The following RORA variants were observed in gnomAD, a reference collection of about 807,000 sequenced individuals.
RORA encodes the protein RAR related orphan receptor A.
A neutral mutation model predicts 69.5 loss-of-function variants in RORA; 7 were observed. The ratio of observed to expected loss-of-function variants is 0.10; its 90% CI spans 0.06 to 0.19. The LOEUF is 0.19. Among genes scored for constraint, RORA ranks in the 10% least tolerant of loss-of-function variants. The probability of loss-of-function intolerance (pLI) is 1.00; values close to 1 mark genes in which losing one functional copy is unlikely to be tolerated. For synonymous variants in RORA, 261 were observed against 240.8 expected (o/e 1.08, Z -0.78); for missense variants, 457 against 663.0 (o/e 0.69, Z 3.41).
chr15:60,558,253 C>A (rs200629924), intron 2 of RORA: 1 of 1,612,018 alleles, frequency 6.2e-7, no homozygotes, highest in African/African-American at 1.3e-5. Flanking sequence ...AAAAGCATCA[C>A]CTGAAGACAG....
chr15:60,857,418 T>C (rs1403768040), intron 1 of RORA, among the ~76,000 whole-genome samples: 4 of 152,066 alleles, frequency 2.6e-5, no homozygotes, highest in Non-Finnish European at 5.9e-5. Context: ...GTTGAGTCTT[T>C]GCCCTCTCCA....
At chr15:60,975,889 T>C (rs1198909818) in intron 1 of RORA, among the ~76,000 whole-genome samples, 1 of 152,220 alleles carries the variant, frequency 6.6e-6, no homozygotes, top group African/African-American at 2.4e-5. Flanking sequence ...CACATCTCAG[T>C]TCCAACTCTC....
At chr15:60,928,221 C>A (rs982302059) in intron 1 of RORA, among the ~76,000 whole-genome samples, 1 of 152,212 alleles carries the variant, frequency 6.6e-6, no homozygotes, top group African/African-American at 2.4e-5. Flanking sequence ...CCTTTTGCAA[C>A]ATATTCATGG....
intron 1 of RORA, among the ~76,000 whole-genome samples, chr15:60,880,284 G>A (rs1482154496): frequency 1.3e-5 from 2 of 152,058 alleles, no homozygotes; most frequent in Non-Finnish European, 2.9e-5. Context: ...CTTACTTTTG[G>A]TCCTAATTTC....
chr15:60,684,214 A>G (rs561105278), intron 1 of RORA, among the ~76,000 whole-genome samples: 1 of 152,112 alleles, frequency 6.6e-6, no homozygotes, highest in Non-Finnish European at 1.5e-5. Context: ...CCACTCTGCC[A>G]CTTTGCCAGT....
intron 1 of RORA, among the ~76,000 whole-genome samples, chr15:60,979,850 C>T (rs1279034606): frequency 1.3e-5 from 2 of 152,096 alleles, no homozygotes; most frequent in African/African-American, 4.8e-5. Flanking sequence ...TTTCTCTCTT[C>T]CACTTCTCTC....
intron 3 of RORA, among the ~76,000 whole-genome samples, chr15:60,524,155 A>T (rs1213780256): frequency 1.3e-5 from 2 of 152,222 alleles, no homozygotes; most frequent in East Asian, 3.9e-4. Context: ...GCACCTTCCT[A>T]TTTCTCAGAT....
intron 1 of RORA, among the ~76,000 whole-genome samples, chr15:61,064,297 T>C (rs532511944): frequency 1.1e-4 from 17 of 152,356 alleles, no homozygotes; most frequent in Admixed American, 2.6e-4. Context: ...CCGCGAAGGT[T>C]GTCCAGGTAA....
chr15:60,802,903 G>T (rs1411910840), intron 1 of RORA, among the ~76,000 whole-genome samples: 1 of 151,924 alleles, frequency 6.6e-6, no homozygotes, highest in African/African-American at 2.4e-5. Context: ...AAATAAAACA[G>T]GAAGGAAAAC....
rs556471826 is a variant in RORA, at chr15:60,661,546, G to A, written c.196+17111C>T. On this transcript the variant is annotated intron_variant, in intron 2 of 10. Coordinates refer to ENST00000335670, the MANE Select transcript of RORA (RefSeq NM_134261.3). ...GGGATTTTCCCAGGTAGAAGCTGTT[G>A]GAACCATGGAAACTTTGAGACCAGG... Among the ~76,000 whole-genome samples the A allele has an allele frequency of 2.0e-5, 3 of 152,224 alleles. No homozygotes were observed. The South Asian group carries it at 6.2e-4, about 32-fold the overall frequency.
chr15:61,173,850 A>G (rs1440515904), intron 1 of RORA, among the ~76,000 whole-genome samples: 2 of 152,152 alleles, frequency 1.3e-5, no homozygotes, highest in East Asian at 1.9e-4. Context: ...AGAAAGGTCT[A>G]CGTTGCCCAG....
At chr15:61,089,671 C>A (rs1303964023) in intron 1 of RORA, among the ~76,000 whole-genome samples, 2 of 152,186 alleles carry the variant, frequency 1.3e-5, no homozygotes, top group Non-Finnish European at 2.9e-5. Context: ...TCAAGAAATT[C>A]TCCTTTAAAG....
At chr15:61,071,775 A>G (rs72754796) in intron 1 of RORA, among the ~76,000 whole-genome samples, 18,212 of 151,754 alleles carry the variant, frequency 0.12, 1,231 homozygotes, top group Middle Eastern at 0.18. Flanking sequence ...GAAGGTTACC[A>G]AAAGCAACAA....
chr15:60,656,332 G>A (rs2070221680), intron 2 of RORA, among the ~76,000 whole-genome samples: 1 of 152,198 alleles, frequency 6.6e-6, no homozygotes, highest in South Asian at 2.1e-4. Context: ...TTATGTAATG[G>A]TACAGCGAGT....
intron 1 of RORA, among the ~76,000 whole-genome samples, chr15:60,714,062 T>C (rs1014167452): frequency 6.6e-6 from 1 of 151,916 alleles, no homozygotes; most frequent in Non-Finnish European, 1.5e-5. Flanking sequence ...CTCTCTCTTT[T>C]TTTTTTTTCG....
intron 2 of RORA, among the ~76,000 whole-genome samples, chr15:60,595,685 GAA>G (rs34344210): frequency 1.3e-3 from 184 of 143,518 alleles, no homozygotes; most frequent in Middle Eastern, 0.011. Flanking sequence ...CAAGTGTTCT[GAA>G]AAAAAAAAAA....
chr15:60,661,308 C>T (rs1356609352), intron 2 of RORA, among the ~76,000 whole-genome samples: 1 of 152,134 alleles, frequency 6.6e-6, no homozygotes, highest in Non-Finnish European at 1.5e-5. Flanking sequence ...AGATGAGTTA[C>T]TTGATATAGC....
chr15:60,515,727 T>G (rs2065844458), intron 3 of RORA, among the ~76,000 whole-genome samples: 1 of 146,748 alleles, frequency 6.8e-6, no homozygotes, highest in Admixed American at 7.1e-5. Context: ...ATTTCTTAAT[T>G]TCCAAACACA....
At chr15:60,872,819 T>G (rs1330518897) in intron 1 of RORA, among the ~76,000 whole-genome samples, 2 of 152,118 alleles carry the variant, frequency 1.3e-5, no homozygotes, top group Non-Finnish European at 2.9e-5. Context: ...GCTCATCTCC[T>G]GCCCTCTCCT....
Sources: gnomAD v4.1 joint callset for allele counts (sites outside exome capture counted in the v4.1 genomes callset) on GRCh38, gnomAD v4.1.1 for gene constraint, MANE v1.5 for transcripts, NCBI Gene and HGNC (gene_info 2026-07-23, HGNC 2026-07-21) for gene names.